CXADR: variants seen among roughly 807,000 people sequenced by gnomAD.
The protein encoded by CXADR is coxsackievirus and adenovirus receptor.
CXADR carries 20 observed loss-of-function variants against 40.3 expected under a neutral mutation model. That is an observed-to-expected ratio of 0.50 (90% CI 0.35 to 0.72). The LOEUF (loss-of-function observed/expected upper bound fraction) is 0.72, where lower values mean the gene tolerates loss of function less well. Among genes scored for constraint, CXADR ranks in the 30% least tolerant of loss-of-function variants. CXADR has a pLI of 0.01. For synonymous variants in CXADR, 150 were observed against 161.3 expected, an observed-to-expected ratio of 0.93 and a Z score of 0.53; for missense variants, 332 against 449.1, an observed-to-expected ratio of 0.74 and a Z score of 2.36.
the CXADR span, among the ~76,000 whole-genome samples, chr21:17,631,548 T>C: frequency 6.6e-6 from 1 of 152,228 alleles, no homozygotes; most frequent in Admixed American, 6.5e-5. Context: ...ATTCTAAATA[T>C]ACTAAAGCAT....
In CXADR at chr21:17,569,975, C is replaced by T. The variant is rs1004027278; in HGVS notation, c.*4283C>T. The T allele has an allele frequency of 1.1e-5, 11 of 985,310 alleles. No homozygotes were observed. The highest frequency in any genetic ancestry group is 9.4e-5 in the South Asian group (2 of 21,276). The allele number at this position is 985,310 out of a possible 1,614,324, so 61.0% of individuals were successfully genotyped here. On this transcript the variant is annotated 3_prime_UTR_variant, in exon 7 of 7. Transcript: ENST00000284878. ...GTGTCAGTTTCAGATTTTGTATGTA[C>T]GATTTCTGGCTTATATATCCAATGG...
chr21:17,569,184 T>C lies in CXADR; in HGVS notation c.*3492T>C, dbSNP rs80203262. ...GCATGTACATTTGATGTTATGTGAA[T>C]GTTGAGTTTTTTCTTCTAATTTTCA... On this transcript the variant is annotated 3_prime_UTR_variant, in exon 7 of 7. Coordinates refer to ENST00000284878, the MANE Select transcript of CXADR (RefSeq NM_001338.5). The C allele has an allele frequency of 0.014, 13,505 of 985,408 alleles. 94 individuals carry two copies. The highest frequency in any genetic ancestry group is 0.015 in the Non-Finnish European group (12,462 of 829,918). The allele number at this position is 985,408 out of a possible 1,614,324, so 61.0% of individuals were successfully genotyped here.
chr21:17,559,465 A>T (rs968632272), intron 4 of CXADR, among the ~76,000 whole-genome samples: 1 of 151,604 alleles, frequency 6.6e-6, no homozygotes, highest in African/African-American at 2.4e-5. Context: ...GATTACAGGC[A>T]TGAGCCCAGG....
chr21:17,616,266 G>GA, the CXADR span, among the ~76,000 whole-genome samples: 11 of 134,456 alleles, frequency 8.2e-5, no homozygotes, highest in African/African-American at 2.8e-4. Context: ...AAGAAAAGAA[G>GA]GAAAAAAAAA....
chr21:17,529,224 G>T (rs2123156443), intron 1 of CXADR, among the ~76,000 whole-genome samples: 1 of 151,808 alleles, frequency 6.6e-6, no homozygotes, highest in East Asian at 1.9e-4. Context: ...GTAGAGACGT[G>T]GTTTCACCAT....
chr21:17,545,078 T>G (rs1306512375), intron 1 of CXADR, among the ~76,000 whole-genome samples: 1 of 99,006 alleles, frequency 1.0e-5, no homozygotes, highest in Non-Finnish European at 2.3e-5. Flanking sequence ...ATGTGTTTTT[T>G]TTTTTTTTTT....
chr21:17,572,037 C>T (rs1022279395), downstream of CXADR, among the ~76,000 whole-genome samples: 1 of 152,164 alleles, frequency 6.6e-6, no homozygotes, highest in African/African-American at 2.4e-5. Flanking sequence ...GCATCATATA[C>T]TCTGCAAGCC....
At chr21:17,556,120 T>C (rs1182573500) in intron 3 of CXADR, among the ~76,000 whole-genome samples, 1 of 152,244 alleles carries the variant, frequency 6.6e-6, no homozygotes, top group Non-Finnish European at 1.5e-5. Context: ...TGGAAGCAGA[T>C]GTTCTGAGGA....
At chr21:17,576,476 CAGTTA>C (rs999658822) in intron 7 of CXADR, among the ~76,000 whole-genome samples, 2 of 152,136 alleles carry the variant, frequency 1.3e-5, no homozygotes, top group Non-Finnish European at 1.5e-5. Flanking sequence ...GGTCAGTGAT[CAGTTA>C]AGTGTTAGCT....
chr21:17,524,575 CAAAAAAAAAAAAAAAAA>C (rs71189539), intron 1 of CXADR, among the ~76,000 whole-genome samples: 2 of 43,828 alleles, frequency 4.6e-5, no homozygotes, highest in African/African-American at 2.0e-4. Context: ...GACTCTATCT[CAAAAAAAAAAAAAAAAA>C]AAAAAAAAAA....
In CXADR at chr21:17,565,771, G is replaced by T. The variant is rs1061459; in HGVS notation, c.*79G>T. The T allele has an allele frequency of 1.3e-6, 2 of 1,524,892 alleles. No individual in the cohort carries two copies. Among genetic ancestry groups the T allele is most frequent in the Non-Finnish European group, 1.8e-6 (2 of 1,138,138 alleles). 94.5% of individuals were successfully genotyped at this position (1,524,892 alleles called of 1,614,324 possible). The stretch of plus-strand genomic sequence containing the variant: ...ATGAAAACCTATTCTGGTCTAAATT[G>T]TGTTACTAGCCTCAAAATACATCAA... On this transcript the variant is annotated 3_prime_UTR_variant, in exon 7 of 7. Transcript: ENST00000284878.
At chr21:17,623,555 C>A in the CXADR span, among the ~76,000 whole-genome samples, 2 of 152,292 alleles carry the variant, frequency 1.3e-5, no homozygotes, top group Non-Finnish European at 2.9e-5. Context: ...TGAGAGGACT[C>A]CCTAATTAAT....
chr21:17,527,727 C>T (rs943330566), intron 1 of CXADR, among the ~76,000 whole-genome samples: 12 of 152,138 alleles, frequency 7.9e-5, no homozygotes, highest in African/African-American at 2.9e-4. Context: ...CCTTGGGAAC[C>T]CCTCATCCTT....
intron 7 of CXADR, among the ~76,000 whole-genome samples, chr21:17,582,854 TCACA>T (rs1299691566): frequency 6.6e-6 from 1 of 152,234 alleles, no homozygotes; most frequent in African/African-American, 2.4e-5. Flanking sequence ...AGGTCAGCTG[TCACA>T]CACTATCCCA....
Position 17,567,482 on chromosome 21 carries a change from C to G in CXADR, c.*1790C>G. The G allele has an allele frequency of 2.0e-6, 2 of 985,334 alleles. No individual in the cohort carries two copies. The highest frequency in any genetic ancestry group is 1.2e-6 in the Non-Finnish European group (1 of 829,860). 61.0% of individuals were successfully genotyped at this position (985,334 alleles called of 1,614,324 possible). On this transcript the variant is annotated 3_prime_UTR_variant, in exon 7 of 7. Coordinates refer to ENST00000284878, the MANE Select transcript of CXADR (RefSeq NM_001338.5). ...CTAGCTATCACCTACCTGAAAGGTG[C>G]TTAGAGGTGAAGGTACTGTTTCTAA...
the CXADR span, among the ~76,000 whole-genome samples, chr21:17,630,513 A>G: frequency 0.55 from 83,895 of 152,014 alleles, 25,770 homozygotes; most frequent in African/African-American, 0.84. Context: ...AATAGCCAGC[A>G]ATATTAAAAT....
chr21:17,537,619 A>G (rs1384649378), intron 1 of CXADR, among the ~76,000 whole-genome samples: 6 of 151,898 alleles, frequency 4.0e-5, no homozygotes, highest in Non-Finnish European at 7.4e-5. Context: ...CAGGGTTTAC[A>G]TCTAGTATCT....
the CXADR span, among the ~76,000 whole-genome samples, chr21:17,602,553 G>A: frequency 3.9e-5 from 6 of 152,082 alleles, no homozygotes; most frequent in East Asian, 9.7e-4. Flanking sequence ...TCTACTAAAC[G>A]ATTAATACGT....
intron 7 of CXADR, among the ~76,000 whole-genome samples, chr21:17,586,870 T>A (rs2061400796): frequency 6.6e-6 from 1 of 152,164 alleles, no homozygotes; most frequent in African/African-American, 2.4e-5. Context: ...GTGTATCTCC[T>A]AATGCTGTCC....
Sources: gnomAD v4.1 joint callset for allele counts (sites outside exome capture counted in the v4.1 genomes callset) on GRCh38, gnomAD v4.1.1 for gene constraint, MANE v1.5 for transcripts, NCBI Gene and HGNC (gene_info 2026-07-23, HGNC 2026-07-21) for gene names.